Variants in MASP2 observed in about 807,000 individuals in gnomAD.
MASP2 encodes MBL associated serine protease 2.
MASP2 carries 49 observed loss-of-function variants against 57.1 expected under a neutral mutation model. The observed-to-expected ratio is 0.86, with a 90% CI of 0.68 to 1.09. The LOEUF is 1.09. Among genes scored for constraint, MASP2 ranks in the 50% least tolerant of loss-of-function variants. The pLI is 0.00. For synonymous variants in MASP2, 379 were observed against 340.8 expected (o/e 1.11, Z -1.24); for missense variants, 900 against 874.8 (o/e 1.03, Z -0.36).
intron 8 of MASP2, among the ~76,000 whole-genome samples, chr1:11,033,503 G>C (rs1461573744): frequency 6.6e-6 from 1 of 151,882 alleles, no homozygotes; most frequent in East Asian, 1.9e-4. Flanking sequence ...AACTTAGCCA[G>C]GTGTGGCGGT....
At chr1:11,032,659 A>T (rs1444317342) in intron 8 of MASP2, among the ~76,000 whole-genome samples, 1 of 150,968 alleles carries the variant, frequency 6.6e-6, no homozygotes, top group Non-Finnish European at 1.5e-5. Context: ...CTGTAATCCC[A>T]ACACTTTGGG....
chr1:11,027,445 T>A lies in MASP2; in HGVS notation c.1501A>T (p.Thr501Ser). Residue 501 changes from threonine (T) to serine (S), a missense_variant, in exon 11 of 11, where the codon ACC becomes TCC. By Grantham distance (58) the Thr-to-Ser change is moderately conservative. Coordinates refer to ENST00000400897, the MANE Select transcript of MASP2 (RefSeq NM_006610.4). ...TAATGAGGTGATAGTCTTTTCAGGGTGCCCATTCGAATGTCCAGGGCGGAT... is the reference window on the plus strand; with the variant it reads ...TAATGAGGTGATAGTCTTTTCAGGGAGCCCATTCGAATGTCCAGGGCGGAT... ...DASALDIRMG[T>S]LKRLSPHYTQ... 1 of 1,614,162 alleles carries A rather than the reference T, an allele frequency of 6.2e-7. No individual in the cohort carries two copies. Among genetic ancestry groups the A allele is most frequent in the Non-Finnish European group, 8.5e-7 (1 of 1,180,022 alleles).
chr1:11,026,880 G>A lies in MASP2; in HGVS notation c.*5C>T, dbSNP rs565438503. ...ATGAAGAATCCTTGACTGCAGACAC[G>A]CAAGTTAAAAATCACTAATTATGTT... On this transcript the variant is annotated 3_prime_UTR_variant, in exon 11 of 11. Transcript: ENST00000400897. 1.4e-5 allele frequency: 20 copies of A among 1,471,954 alleles called. No homozygotes were observed. The East Asian group carries it at 2.4e-4, about 18-fold the overall frequency. 91.2% of individuals were successfully genotyped at this position (1,471,954 alleles called of 1,614,324 possible). A position where few individuals can be genotyped will look rare whatever the true frequency, so the allele number is the denominator to read the frequency against.
Position 11,039,484 on chromosome 1 carries a change from T to C in MASP2, c.890-1673A>G, listed in dbSNP as rs1638350001. Among the ~76,000 whole-genome samples, 6 of 134,528 alleles carry C rather than the reference T, an allele frequency of 4.5e-5. No homozygotes were observed. In the Admixed American group the frequency reaches 4.5e-4, roughly 10 times the overall value. 88.3% of individuals were successfully genotyped at this position (134,528 alleles called of 152,430 possible). ...GTAGAAGAATGGGTGGATGGACAGA[T>C]GAATGGCTGGAAGGATGGATGAAAG... On this transcript the variant is annotated intron_variant, in intron 6 of 10. Transcript: ENST00000400897.
intron 8 of MASP2, 61 bp from the exon 9 acceptor site, chr1:11,030,943 G>C: frequency 6.4e-7 from 1 of 1,556,894 alleles, no homozygotes. Flanking sequence ...CTTTCCAAAG[G>C]TCTGGAGAAG....
Position 11,043,324 on chromosome 1 carries a change from GC to G in MASP2, c.741+14del. 6.3e-7 allele frequency: 1 copy of G among 1,594,364 alleles called. No homozygotes were observed. Among genetic ancestry groups the G allele is most frequent in the Admixed American group, 1.7e-5 (1 of 57,624 alleles). On this transcript the variant is annotated intron_variant, in intron 5 of 10. Coordinates refer to ENST00000400897, the MANE Select transcript of MASP2 (RefSeq NM_006610.4). ...GGGAGGATCTGGGACAAGATGAGGG[GC>G]CCAGGAGCCAGACCTTGAGAAAGTC... is the stretch of plus-strand genomic sequence containing the variant.
chr1:11,042,618 G>A (rs1271444462), intron 6 of MASP2, among the ~76,000 whole-genome samples: 1 of 151,930 alleles, frequency 6.6e-6, no homozygotes, highest in South Asian at 2.1e-4. Context: ...AGGATGGGTG[G>A]GTAAAAGGAT....
chr1:11,040,465 T>TAAAA (rs61379703), intron 6 of MASP2, among the ~76,000 whole-genome samples: 1 of 96,296 alleles, frequency 1.0e-5, no homozygotes, highest in Non-Finnish European at 2.0e-5. Context: ...AGTCTTTGTC[T>TAAAA]AAAAAAAAAA....
At chr1:11,042,152 A>T (rs1190818444) in intron 6 of MASP2, among the ~76,000 whole-genome samples, 1 of 150,988 alleles carries the variant, frequency 6.6e-6, no homozygotes, top group East Asian at 2.0e-4. Context: ...GGATACATGG[A>T]TGGAAGGATG....
rs200629024 is a variant in MASP2 at position 11,027,524 on chromosome 1, A to G, written c.1422T>C (p.Tyr474=). The change falls in exon 11 of 11, where the codon TAT becomes TAC. Residue 474 remains tyrosine, a synonymous_variant. Coordinates refer to ENST00000400897, the MANE Select transcript of MASP2 (RefSeq NM_006610.4). ...GGTTAAGALL[Y]DNWVLTAAHA... Reference sequence around the variant, plus strand: ...GAGCAGCTGTTAGGACCCAGTTGTCATATAAAAGTGCACCTGCTGCTGTGG... The same window carrying G: ...GAGCAGCTGTTAGGACCCAGTTGTCGTATAAAAGTGCACCTGCTGCTGTGG... 21 of 1,614,182 alleles carry G rather than the reference A, an allele frequency of 1.3e-5. No homozygotes were observed. The Admixed American group carries it at 2.0e-4, about 15-fold the overall frequency.
At chr1:11,046,523 G>A (rs766837591) in intron 3 of MASP2, 33 bp downstream of exon 3, 1 of 1,612,368 alleles carries the variant, frequency 6.2e-7, no homozygotes, top group Non-Finnish European at 8.5e-7. Flanking sequence ...CAGCTGCGCA[G>A]ACTGAGATGT....
chr1:11,043,226 G>A (rs1638514571), intron 5 of MASP2, 113 bp downstream of exon 5: 2 of 1,063,738 alleles, frequency 1.9e-6, no homozygotes, highest in Non-Finnish European at 1.4e-6. Flanking sequence ...CTGAAGAGGT[G>A]GGGGTCACCG....
intron 3 of MASP2, 91 bp from the exon 4 acceptor site, chr1:11,045,630 T>C: frequency 7.1e-7 from 1 of 1,413,360 alleles, no homozygotes; most frequent in South Asian, 1.3e-5. Flanking sequence ...GACCTCAGAG[T>C]GGACCTCAGA....
Position 11,046,483 on chromosome 1 carries a change from C to T in MASP2, c.412+73G>A, listed in dbSNP as rs759154950. On this transcript the variant is annotated intron_variant, in intron 3 of 10. Transcript: ENST00000400897. ...GGTGGGGAAACTGAAGGCAGGGCTGCCTGGCCTAAGACAGAGTTACCCCCA... is the reference window on the plus strand; with the variant it reads ...GGTGGGGAAACTGAAGGCAGGGCTGTCTGGCCTAAGACAGAGTTACCCCCA... 6 of 1,554,386 alleles carry T rather than the reference C, an allele frequency of 3.9e-6. No homozygotes were observed. In the East Asian group the frequency reaches 1.4e-4, roughly 35 times the overall value.
intron 6 of MASP2, among the ~76,000 whole-genome samples, chr1:11,040,894 A>G (rs1425867705): frequency 6.7e-6 from 1 of 149,376 alleles, no homozygotes; most frequent in Non-Finnish European, 1.5e-5. Flanking sequence ...AGGTAGGTAG[A>G]AGAATGGGTG....
rs774111903 is a variant in MASP2, at chr1:11,034,872, C to CA, written c.1042dup (p.Cys348LeufsTer18). 1.6e-5 allele frequency: 26 copies of CA among 1,613,226 alleles called. No homozygotes were observed. Among genetic ancestry groups the CA allele is most frequent in the Non-Finnish European group, 2.2e-5 (26 of 1,179,674 alleles). On this transcript the variant is annotated frameshift_variant, in exon 8 of 11. Coordinates refer to ENST00000400897, the MANE Select transcript of MASP2 (RefSeq NM_006610.4). LOFTEE classifies it high-confidence loss of function. ...CCGGTCCCAAGATCCATCTTTCTGACAAACTGCAGTAAAGGATTTCAGGGG... is the reference window on the plus strand; with the variant it reads ...CCGGTCCCAAGATCCATCTTTCTGACAAAACTGCAGTAAAGGATTTCAGGGG...
chr1:11,039,368 GGATGGATGGA>G (rs1638345115), intron 6 of MASP2, among the ~76,000 whole-genome samples: 1 of 64,678 alleles, frequency 1.5e-5, no homozygotes, highest in Non-Finnish European at 3.9e-5. Flanking sequence ...ATGGATGGAT[GGATGGATGGA>G]TAGATTGGTG....
chr1:11,040,850 A>ATGGG (rs1457411669), intron 6 of MASP2, among the ~76,000 whole-genome samples: 3 of 147,968 alleles, frequency 2.0e-5, no homozygotes, highest in South Asian at 4.4e-4. Context: ...GACTGGGAGA[A>ATGGG]TGGGTGGGTG....
chr1:11,028,844 G>A (rs1224173868), intron 10 of MASP2, among the ~76,000 whole-genome samples: 1 of 151,352 alleles, frequency 6.6e-6, no homozygotes, highest in Non-Finnish European at 1.5e-5. Context: ...CTCCTGAGTA[G>A]CTGGGACTAC....
Sources: gnomAD v4.1 joint callset for allele counts (sites outside exome capture counted in the v4.1 genomes callset) on GRCh38, gnomAD v4.1.1 for gene constraint, MANE v1.5 for transcripts, NCBI Gene and HGNC (gene_info 2026-07-23, HGNC 2026-07-21) for gene names.